Variants in RALB observed in about 807,000 individuals in gnomAD.
The protein encoded by RALB is ras-related protein Ral-B.
In RALB, 16 loss-of-function variants were observed where a neutral mutation model predicts 21.3. The ratio of observed to expected loss-of-function variants is 0.75; its 90% CI spans 0.51 to 1.14. RALB has a LOEUF of 1.14. RALB is among the 50% of genes most tolerant of loss of function. RALB has a pLI of 0.00. For synonymous variants in RALB, 93 were observed against 96.1 expected (o/e 0.97, Z 0.19); for missense variants, 161 against 256.2 (o/e 0.63, Z 2.54).
At chr2:120,275,633 A>ATGTG (rs1430626540) in intron 1 of RALB, among the ~76,000 whole-genome samples, 1 of 151,888 alleles carries the variant, frequency 6.6e-6, no homozygotes, top group Non-Finnish European at 1.5e-5. Flanking sequence ...TCGCCCAGTG[A>ATGTG]TGTGTGTGTG....
At chr2:120,265,860 A>G (rs977172868) in intron 1 of RALB, among the ~76,000 whole-genome samples, 3 of 152,232 alleles carry the variant, frequency 2.0e-5, no homozygotes, top group African/African-American at 2.4e-5. Context: ...AGGGACATGT[A>G]TGCTAATTCC....
At chr2:120,253,401 C>A in intron 1 of RALB, 1 of 985,556 alleles carries the variant, frequency 1.0e-6, no homozygotes, top group Non-Finnish European at 1.2e-6. Flanking sequence ...GGAACTTGCA[C>A]GCGCCGTGAA....
At chr2:120,269,815 A>C (rs1415017264) in intron 1 of RALB, among the ~76,000 whole-genome samples, 2 of 152,258 alleles carry the variant, frequency 1.3e-5, no homozygotes, top group Non-Finnish European at 2.9e-5. Flanking sequence ...TTGTAATTAT[A>C]TCCTTATACT....
intron 2 of RALB, among the ~76,000 whole-genome samples, chr2:120,284,220 T>C (rs7577251): frequency 0.017 from 2,633 of 152,326 alleles, 80 homozygotes; most frequent in African/African-American, 0.06. Flanking sequence ...TAAACATGTC[T>C]TAATATTTTT....
chr2:120,288,806 G>C (rs762889119), intron 3 of RALB, among the ~76,000 whole-genome samples: 12 of 151,946 alleles, frequency 7.9e-5, no homozygotes, highest in Non-Finnish European at 1.8e-4. Flanking sequence ...TCACTTTGTA[G>C]TAGAAAAATG....
intron 1 of RALB, among the ~76,000 whole-genome samples, chr2:120,257,469 G>A (rs1486452481): frequency 6.6e-6 from 1 of 152,040 alleles, no homozygotes; most frequent in Non-Finnish European, 1.5e-5. Context: ...CTGGCTAAAT[G>A]ACCTCTAAGT....
At chr2:120,254,202 C>G (rs1689136782) in intron 1 of RALB, among the ~76,000 whole-genome samples, 1 of 152,178 alleles carries the variant, frequency 6.6e-6, no homozygotes, top group Non-Finnish European at 1.5e-5. Flanking sequence ...CGATCTTTCC[C>G]CCTCTGAGCT....
chr2:120,291,498 G>A (rs912582441), intron 4 of RALB, among the ~76,000 whole-genome samples: 29 of 152,146 alleles, frequency 1.9e-4, no homozygotes, highest in Admixed American at 3.9e-4. Context: ...ATGGGTTGTC[G>A]CGTGGGGGGT....
In RALB at chr2:120,277,714, A is replaced by G. The variant is rs1689854901; in HGVS notation, c.-47-904A>G. On this transcript the variant is annotated intron_variant, in intron 1 of 4. Transcript: ENST00000272519. ...AAGTGTGTATGTGGGTGTGTGTGAT[A>G]GTGCGTGTGTGATAGTGTGTGAGCT... 4.6e-5 allele frequency among the ~76,000 whole-genome samples: 7 copies of G among 151,416 alleles called. No homozygotes were observed. The South Asian group carries it at 1.5e-3, about 32-fold the overall frequency.
At chr2:120,248,555 C>G (rs1405861835), upstream of RALB, among the ~76,000 whole-genome samples, 4 of 70,770 alleles carry the variant, frequency 5.7e-5, no homozygotes, top group Non-Finnish European at 9.1e-5. Context: ...GCTGATTACC[C>G]TGTCTAGGAC....
At chr2:120,272,879 C>T (rs565146172) in intron 1 of RALB, among the ~76,000 whole-genome samples, 1 of 152,120 alleles carries the variant, frequency 6.6e-6, no homozygotes, top group African/African-American at 2.4e-5. Context: ...GTACTGTAAT[C>T]ATTTACTTAC....
intron 1 of RALB, among the ~76,000 whole-genome samples, chr2:120,269,419 T>G (rs939844903): frequency 2.0e-5 from 3 of 152,198 alleles, no homozygotes; most frequent in African/African-American, 7.2e-5. Flanking sequence ...CCTGAGCAGG[T>G]TGCTGCTGCT....
In RALB at chr2:120,289,623, C is replaced by G. The variant is rs1357506134; in HGVS notation, c.367C>G (p.Leu123Val). Reference protein sequence around the residue: ...RVKAEEDKIPLLVVGNKSDLE... With the variant: ...RVKAEEDKIPVLVVGNKSDLE... ...GAAGGCTGAAGAAGATAAAATTCCA[C>G]TGCTCGTCGTGGGAAACAAGTCTGA... Residue 123 changes from leucine (L) to valine (V), a missense_variant, in exon 4 of 5, where the codon CTG (leucine) becomes GTG (valine). Coordinates refer to ENST00000272519, the MANE Select transcript of RALB (RefSeq NM_002881.3). 6.2e-7 allele frequency: 1 copy of G among 1,614,060 alleles called. No individual in the cohort carries two copies. The highest frequency in any genetic ancestry group is 8.5e-7 in the Non-Finnish European group (1 of 1,180,014).
intron 2 of RALB, among the ~76,000 whole-genome samples, chr2:120,283,384 C>T (rs575964453): frequency 1.3e-5 from 2 of 152,324 alleles, no homozygotes; most frequent in East Asian, 1.9e-4. Flanking sequence ...AAAGATTGGA[C>T]ACCCCTGGTC....
intron 1 of RALB, among the ~76,000 whole-genome samples, chr2:120,259,370 C>G (rs1040203259): frequency 1.3e-5 from 2 of 152,134 alleles, no homozygotes; most frequent in African/African-American, 4.8e-5. Context: ...CTCCACGTCC[C>G]CATCAGATTA....
chr2:120,276,484 T>G (rs1196342528), intron 1 of RALB, among the ~76,000 whole-genome samples: 1 of 151,974 alleles, frequency 6.6e-6, no homozygotes, highest in Non-Finnish European at 1.5e-5. Flanking sequence ...GTGCCTGTAT[T>G]CCCAGCTACT....
Position 120,252,896 on chromosome 2 carries a change from T to A in RALB, c.-132T>A. ...CAATGACAAATCGGTGGAGGACGGC[T>A]GGGGTCCGGCCCCGGGAGGGGGCGG... On this transcript the variant is annotated 5_prime_UTR_variant, in exon 1 of 5. Coordinates refer to ENST00000272519, the MANE Select transcript of RALB (RefSeq NM_002881.3). 1.0e-6 allele frequency: 1 copy of A among 985,354 alleles called. No individual in the cohort carries two copies. The highest frequency in any genetic ancestry group is 1.2e-6 in the Non-Finnish European group (1 of 830,012). 61.0% of individuals were successfully genotyped at this position (985,354 alleles called of 1,614,324 possible). A position where few individuals can be genotyped will look rare whatever the true frequency, so the allele number is the denominator to read the frequency against.
At chr2:120,279,305 G>A (rs1036913110) in intron 2 of RALB, among the ~76,000 whole-genome samples, 1 of 152,110 alleles carries the variant, frequency 6.6e-6, no homozygotes, top group African/African-American at 2.4e-5. Flanking sequence ...AGTTCAGTGT[G>A]ACAACACAGC....
At chr2:120,268,681 ATAAT>A (rs1359800363) in intron 1 of RALB, among the ~76,000 whole-genome samples, 4 of 152,220 alleles carry the variant, frequency 2.6e-5, no homozygotes, top group Non-Finnish European at 4.4e-5. Flanking sequence ...CCTAAAATAA[ATAAT>A]TAAGATCCAC....
Sources: gnomAD v4.1 joint callset for allele counts (sites outside exome capture counted in the v4.1 genomes callset) on GRCh38, gnomAD v4.1.1 for gene constraint, MANE v1.5 for transcripts, NCBI Gene and HGNC (gene_info 2026-07-23, HGNC 2026-07-21) for gene names.